DCTN4: variants seen among roughly 807,000 people sequenced by gnomAD.
DCTN4 encodes dynactin subunit 4.
A neutral mutation model predicts 62.7 loss-of-function variants in DCTN4; 23 were observed. The ratio of observed to expected loss-of-function variants is 0.37; its 90% CI spans 0.26 to 0.52. The LOEUF (loss-of-function observed/expected upper bound fraction) is 0.52. Among genes scored for constraint, DCTN4 ranks in the 20% least tolerant of loss-of-function variants. The pLI, the probability that DCTN4 is intolerant of heterozygous loss-of-function variation, is 0.92. For missense variants in DCTN4, 514 were observed against 580.4 expected (o/e 0.89, Z 1.18); for synonymous variants, 199 against 202.1 (o/e 0.98, Z 0.13).
At chr5:150,737,971 A>C (rs911215419) in intron 4 of DCTN4, among the ~76,000 whole-genome samples, 18 of 152,188 alleles carry the variant, frequency 1.2e-4, no homozygotes, top group African/African-American at 4.3e-4. Flanking sequence ...AAGATCATTC[A>C]GGGCTACCAT....
At chr5:150,747,421 C>G (rs2113126476) in intron 3 of DCTN4, among the ~76,000 whole-genome samples, 1 of 152,228 alleles carries the variant, frequency 6.6e-6, no homozygotes, top group East Asian at 1.9e-4. Flanking sequence ...ACTTTCTTCA[C>G]AGAATTGGAA....
chr5:150,756,189 G>A (rs980686036), intron 2 of DCTN4, among the ~76,000 whole-genome samples: 2 of 151,850 alleles, frequency 1.3e-5, no homozygotes, highest in African/African-American at 2.4e-5. Context: ...CTACAGGCGC[G>A]TGCCACCACA....
At chr5:150,719,644 G>GCCAC (rs1262703639) in intron 10 of DCTN4, 72 bp downstream of exon 10, 16 of 1,092,968 alleles carry the variant, frequency 1.5e-5, no homozygotes, top group Middle Eastern at 2.0e-4. Context: ...TACACACACA[G>GCCAC]CCACCCACAT....
In DCTN4 at chr5:150,731,273, C is replaced by G. The variant is rs1760354836; in HGVS notation, c.612-117G>C. 5 of 972,710 alleles carry G rather than the reference C, an allele frequency of 5.1e-6. No individual in the cohort carries two copies. The South Asian group carries it at 7.1e-5, about 14-fold the overall frequency. The allele number at this position is 972,710 out of a possible 1,614,324, so 60.3% of individuals were successfully genotyped here. ...GAAGTATTCCTCTGTCATAGAATATCTGTATAGCGTAGGTCTTTTCTAAGT... is the reference window on the plus strand; with the variant it reads ...GAAGTATTCCTCTGTCATAGAATATGTGTATAGCGTAGGTCTTTTCTAAGT... On this transcript the variant is annotated intron_variant, in intron 6 of 12. Transcript: ENST00000447998.
chr5:150,745,812 A>G (rs972988393), intron 3 of DCTN4, among the ~76,000 whole-genome samples: 4 of 152,108 alleles, frequency 2.6e-5, no homozygotes, highest in African/African-American at 9.7e-5. Flanking sequence ...GGAAATTTAT[A>G]GCACTAAATG....
At chr5:150,723,071 C>T (rs182043250) in intron 8 of DCTN4, 91 bp from the exon 9 acceptor site, 97 of 954,638 alleles carry the variant, frequency 1.0e-4, no homozygotes, top group East Asian at 6.2e-4. Flanking sequence ...ACAGCATTTA[C>T]GAGAATTTTG....
intron 10 of DCTN4, among the ~76,000 whole-genome samples, chr5:150,719,102 G>A (rs940797961): frequency 1.2e-4 from 19 of 152,208 alleles, no homozygotes; most frequent in Non-Finnish European, 2.2e-4. Flanking sequence ...TTACAGGTAT[G>A]AGCCACCGTG....
chr5:150,742,383 T>C (rs553640777), intron 3 of DCTN4, among the ~76,000 whole-genome samples: 4 of 152,330 alleles, frequency 2.6e-5, no homozygotes, highest in African/African-American at 9.6e-5. Flanking sequence ...GCACTTGAAA[T>C]GTATTACATT....
chr5:150,728,900 C>A (rs1760251248), intron 8 of DCTN4, among the ~76,000 whole-genome samples: 1 of 150,406 alleles, frequency 6.6e-6, no homozygotes, highest in Non-Finnish European at 1.5e-5. Flanking sequence ...TTTTAACAGA[C>A]AGGGTCTTGC....
Position 150,759,016 on chromosome 5 carries a change from A to T in DCTN4, c.-23T>A, listed in dbSNP as rs374541268. ...CATCTTGGGGAGGGAGGAGGCGATG[A>T]CGCTCCCGGCGCATCACGTGACCCG... On this transcript the variant is annotated 5_prime_UTR_variant, in exon 1 of 13. Transcript: ENST00000447998. 19 of 1,611,348 alleles carry T rather than the reference A, an allele frequency of 1.2e-5. No individual in the cohort carries two copies. The highest frequency in any genetic ancestry group is 4.2e-6 in the Non-Finnish European group (5 of 1,178,032).
rs746589597 is a variant in DCTN4, at chr5:150,756,400, A to G, written c.206+17T>C. On this transcript the variant is annotated intron_variant, in intron 2 of 12. Transcript: ENST00000447998. ...CAAGGAAAATAGGAAGAAAAAAAAA[A>G]TCAGTCCAGGTCTTACCTATTCTTT... is the stretch of plus-strand genomic sequence containing the variant. The G allele has an allele frequency of 6.5e-7, 1 of 1,547,168 alleles. No homozygotes were observed. Among genetic ancestry groups the G allele is most frequent in the Non-Finnish European group, 8.7e-7 (1 of 1,149,452 alleles).
At chr5:150,713,445 CTTT>C (rs371366897) in intron 12 of DCTN4, among the ~76,000 whole-genome samples, 4 of 135,576 alleles carry the variant, frequency 3.0e-5, no homozygotes, top group Admixed American at 7.3e-5. Flanking sequence ...CTTTTCTTTT[CTTT>C]TTTTTTTTTT....
rs985739089 is a variant in DCTN4 at position 150,746,404 on chromosome 5, T to C, written c.386-4247A>G. Among the ~76,000 whole-genome samples, 69 of 152,012 alleles carry C rather than the reference T, an allele frequency of 4.5e-4. 1 individual carries two copies. The highest frequency in any genetic ancestry group is 1.3e-3 in the Admixed American group (20 of 15,272). Reference sequence around the variant, plus strand: ...TTCCTTCTGAAACTATTCCAATCAATAGAAAAAGAGGGAATCCTCCCTAAC... The same window carrying C: ...TTCCTTCTGAAACTATTCCAATCAACAGAAAAAGAGGGAATCCTCCCTAAC... On this transcript the variant is annotated intron_variant, in intron 3 of 12. Coordinates refer to ENST00000447998, the MANE Select transcript of DCTN4 (RefSeq NM_016221.4).
At chr5:150,735,151 T>G (rs1184448674) in intron 4 of DCTN4, among the ~76,000 whole-genome samples, 1 of 152,170 alleles carries the variant, frequency 6.6e-6, no homozygotes, top group Non-Finnish European at 1.5e-5. Flanking sequence ...GGCAAGCTTG[T>G]ATCCCCACCA....
intron 1 of DCTN4, chr5:150,758,535 G>C (rs1752945802): frequency 1.9e-6 from 2 of 1,026,792 alleles, no homozygotes; most frequent in Non-Finnish European, 2.3e-6. Context: ...CGCCCCTTAA[G>C]TGGCCTGAAC....
rs764355735 is a variant in DCTN4, at chr5:150,731,186, A to G, written c.612-30T>C. On this transcript the variant is annotated intron_variant, in intron 6 of 12. Transcript: ENST00000447998. Reference sequence around the variant, plus strand: ...AAAATTAAAAAAACAAAACAAAACAAAACAAAAGAGTAATTTCTCACGGAT... The same window carrying G: ...AAAATTAAAAAAACAAAACAAAACAGAACAAAAGAGTAATTTCTCACGGAT... 3.5e-6 allele frequency: 5 copies of G among 1,448,640 alleles called. No homozygotes were observed. The Admixed American group carries it at 6.8e-5, about 20-fold the overall frequency. The allele number at this position is 1,448,640 out of a possible 1,614,324, so 89.7% of individuals were successfully genotyped here.
intron 9 of DCTN4, among the ~76,000 whole-genome samples, chr5:150,721,778 T>C (rs971071198): frequency 2.0e-5 from 3 of 152,232 alleles, no homozygotes; most frequent in Non-Finnish European, 4.4e-5. Flanking sequence ...ATATTCTTTC[T>C]TGCTTTACTA....
intron 3 of DCTN4, 77 bp from the exon 4 acceptor site, chr5:150,742,234 C>T: frequency 1.4e-6 from 2 of 1,438,718 alleles, no homozygotes; most frequent in Admixed American, 1.7e-5. Flanking sequence ...CTTCTGTAGG[C>T]CATAAAAAGA....
Position 150,742,120 on chromosome 5 carries a change from T to C in DCTN4, c.423A>G (p.Thr141=), listed in dbSNP as rs1760790926. The change falls in exon 4 of 13, where the codon ACA becomes ACG. Residue 141 remains threonine (T), a synonymous_variant. Coordinates refer to ENST00000447998, the MANE Select transcript of DCTN4 (RefSeq NM_016221.4). ...CTTATGACCCTTTACTTACCCGTTG[T>C]GTGTGAGGATTTTCAGGTTCCTGCC... ...GGWQEPENPH[T]QRMNKLIEYY... The C allele has an allele frequency of 6.2e-7, 1 of 1,614,086 alleles. No homozygotes were observed. The highest frequency in any genetic ancestry group is 1.3e-5 in the African/African-American group (1 of 75,066).
Sources: gnomAD v4.1 joint callset for allele counts (sites outside exome capture counted in the v4.1 genomes callset) on GRCh38, gnomAD v4.1.1 for gene constraint, MANE v1.5 for transcripts, NCBI Gene and HGNC (gene_info 2026-07-23, HGNC 2026-07-21) for gene names.